Variants in KLF12 observed in about 807,000 individuals in gnomAD.
KLF12 encodes Krueppel-like factor 12.
Under a neutral mutation model 37.8 loss-of-function variants are expected in KLF12, and 9 were observed. The observed-to-expected ratio is 0.24, with a 90% CI of 0.14 to 0.42. KLF12 has a LOEUF of 0.42. Ranked by LOEUF, KLF12 falls within the 10% of genes least tolerant of loss-of-function variation. The pLI, the probability that KLF12 is intolerant of heterozygous loss-of-function variation, is 1.00. For missense variants in KLF12, 411 were observed against 516.0 expected, an observed-to-expected ratio of 0.80 and a Z score of 1.97; for synonymous variants, 208 against 202.1, an observed-to-expected ratio of 1.03 and a Z score of -0.25.
intron 6 of KLF12, among the ~76,000 whole-genome samples, chr13:73,744,568 T>G (rs1878233607): frequency 6.8e-6 from 1 of 147,638 alleles, no homozygotes. Context: ...GGTGGTCTAG[T>G]AATGGGGGGT....
intron 1 of KLF12, among the ~76,000 whole-genome samples, chr13:74,011,427 A>C (rs1892548931): frequency 6.6e-6 from 1 of 152,192 alleles, no homozygotes; most frequent in Non-Finnish European, 1.5e-5. Context: ...GCAATACAAA[A>C]ATAACTTTAA....
At chr13:74,162,787 T>C in the KLF12 span, among the ~76,000 whole-genome samples, 6,290 of 152,222 alleles carry the variant, frequency 0.041, 147 homozygotes, top group Middle Eastern at 0.1. Flanking sequence ...CTCTGCTAAC[T>C]TTGGAAAACA....
chr13:73,813,340 C>G (rs1313020230), intron 4 of KLF12, 53 bp from the exon 5 acceptor site: 4 of 1,598,908 alleles, frequency 2.5e-6, no homozygotes, highest in Non-Finnish European at 3.4e-6. Context: ...AGAAAGTTAA[C>G]CTTGTCCTGG....
chr13:74,233,111 C>T, the KLF12 span, among the ~76,000 whole-genome samples: 9 of 152,132 alleles, frequency 5.9e-5, no homozygotes, highest in Non-Finnish European at 1.0e-4. Context: ...TCTTGATCTC[C>T]TGAACTTGTG....
intron 6 of KLF12, among the ~76,000 whole-genome samples, chr13:73,716,153 G>A (rs890558426): frequency 1.3e-5 from 2 of 152,168 alleles, no homozygotes; most frequent in African/African-American, 4.8e-5. Context: ...TTAAAGATTA[G>A]CTGTACCACC....
chr13:73,708,567 G>T (rs1875125076), intron 7 of KLF12, among the ~76,000 whole-genome samples: 1 of 151,966 alleles, frequency 6.6e-6, no homozygotes, highest in African/African-American at 2.4e-5. Flanking sequence ...CCAACATCTG[G>T]TTCTGGTGCA....
intron 2 of KLF12, among the ~76,000 whole-genome samples, chr13:73,976,158 T>C (rs557138674): frequency 1.3e-5 from 2 of 149,708 alleles, no homozygotes; most frequent in Non-Finnish European, 3.0e-5. Context: ...TGGGGTTTTT[T>C]TTTTCCCCCC....
chr13:73,990,730 C>T (rs1029264683), intron 2 of KLF12, among the ~76,000 whole-genome samples: 1 of 151,806 alleles, frequency 6.6e-6, no homozygotes, highest in African/African-American at 2.4e-5. Context: ...TTAATAATAT[C>T]ATTTTGGTAA....
the KLF12 span, among the ~76,000 whole-genome samples, chr13:74,192,979 G>GTTTTT: frequency 7.7e-6 from 1 of 129,894 alleles, no homozygotes; most frequent in Non-Finnish European, 1.7e-5. Context: ...AACTTTTTCT[G>GTTTTT]TTTTTTTTTT....
the KLF12 span, among the ~76,000 whole-genome samples, chr13:74,206,899 G>A: frequency 6.6e-6 from 1 of 152,136 alleles, no homozygotes; most frequent in Admixed American, 6.6e-5. Flanking sequence ...ATCCTAATGA[G>A]CACTTTTGTT....
At chr13:73,904,151 G>T (rs145739444) in intron 3 of KLF12, among the ~76,000 whole-genome samples, 14 of 152,266 alleles carry the variant, frequency 9.2e-5, no homozygotes, top group African/African-American at 3.1e-4. Flanking sequence ...TAACAGCTCA[G>T]AAATAGGCAA....
intron 6 of KLF12, among the ~76,000 whole-genome samples, chr13:73,732,867 C>T (rs1251757043): frequency 6.6e-6 from 1 of 152,068 alleles, no homozygotes; most frequent in East Asian, 1.9e-4. Flanking sequence ...TGATGCTTTT[C>T]CCCAAACCCA....
At chr13:74,005,378 A>G (rs915080813) in intron 1 of KLF12, among the ~76,000 whole-genome samples, 1 of 152,244 alleles carries the variant, frequency 6.6e-6, no homozygotes, top group Non-Finnish European at 1.5e-5. Flanking sequence ...TTATACATAA[A>G]TAAATATCCC....
At chr13:74,121,605 TTGAGA>T (rs1877639060) in intron 1 of KLF12, among the ~76,000 whole-genome samples, 1 of 152,086 alleles carries the variant, frequency 6.6e-6, no homozygotes, top group Non-Finnish European at 1.5e-5. Context: ...CATTCTTGAA[TTGAGA>T]TAATATAATG....
At chr13:73,723,247 T>C (rs965912157) in intron 6 of KLF12, among the ~76,000 whole-genome samples, 27 of 152,200 alleles carry the variant, frequency 1.8e-4, no homozygotes, top group African/African-American at 6.0e-4. Flanking sequence ...CTATTCAAAA[T>C]AGCTACTCTG....
At chr13:73,859,009 A>G (rs1885759757) in intron 3 of KLF12, among the ~76,000 whole-genome samples, 1 of 152,214 alleles carries the variant, frequency 6.6e-6, no homozygotes, top group Admixed American at 6.5e-5. Flanking sequence ...TATCTGGCAG[A>G]TGGTGTACGG....
chr13:74,099,954 C>G (rs757112605), intron 1 of KLF12, among the ~76,000 whole-genome samples: 1 of 152,108 alleles, frequency 6.6e-6, no homozygotes, highest in Non-Finnish European at 1.5e-5. Context: ...TTGTGCCCAG[C>G]AGCACCCAGA....
At chr13:74,127,162 C>T (rs761067106) in intron 1 of KLF12, among the ~76,000 whole-genome samples, 1 of 152,196 alleles carries the variant, frequency 6.6e-6, no homozygotes, top group Non-Finnish European at 1.5e-5. Context: ...CGCCACCAAA[C>T]CCGGCCTGAA....
chr13:74,073,372 T>C (rs773809758), intron 1 of KLF12, among the ~76,000 whole-genome samples: 2 of 152,258 alleles, frequency 1.3e-5, no homozygotes, highest in African/African-American at 2.4e-5. Flanking sequence ...TGCAGTAATG[T>C]TGACCTTTGT....
Sources: allele counts gnomAD v4.1 joint callset (sites outside exome capture counted in the v4.1 genomes callset), GRCh38; gene constraint gnomAD v4.1.1; transcripts MANE v1.5; gene names NCBI Gene and HGNC (gene_info 2026-07-23, HGNC 2026-07-21).